The following ARFRP1 variants were observed in gnomAD, a reference collection of about 807,000 sequenced individuals.
The protein encoded by ARFRP1 is ARF related protein 1, also known as ADP-ribosylation factor-related protein 1.
ARFRP1 carries 19 observed loss-of-function variants against 30.3 expected under a neutral mutation model. The ratio of observed to expected loss-of-function variants is 0.63; its 90% confidence interval spans 0.44 to 0.92. ARFRP1 has a LOEUF of 0.92. ARFRP1 is among the 40% of genes least tolerant of loss of function. ARFRP1 has a pLI of 0.00. For missense variants in ARFRP1, 245 were observed against 267.5 expected, an observed-to-expected ratio of 0.92 and a Z score of 0.59; for synonymous variants, 133 against 114.2, an observed-to-expected ratio of 1.16 and a Z score of -1.05.
intron 1 of ARFRP1, 57 bp from the exon 2 acceptor site, chr20:63,707,154 C>G: frequency 6.7e-7 from 1 of 1,487,720 alleles, no homozygotes; most frequent in Non-Finnish European, 9.1e-7. Flanking sequence ...CTCCCCCGGG[C>G]TTCTCCACGG....
rs2091070503 is a variant in ARFRP1 at position 63,699,221 on chromosome 20, C to T, written c.*1222G>A. On this transcript the variant is annotated 3_prime_UTR_variant, in exon 8 of 8. Coordinates refer to ENST00000622789, the MANE Select transcript of ARFRP1 (RefSeq NM_001267547.3). ...AGGTCCTGGGAACCAACCTGCAGAA[C>T]ACACACAGGGTCCCCTGGAGAGGAC... The T allele has an allele frequency of 6.6e-6, 1 of 152,274 alleles. No homozygotes were observed. Among genetic ancestry groups the T allele is most frequent in the East Asian group, 1.9e-4 (1 of 5,256 alleles). The allele number at this position is 152,274 out of a possible 1,614,324, so 9.4% of individuals were successfully genotyped here. A position where few individuals can be genotyped will look rare whatever the true frequency, so the allele number is the denominator to read the frequency against.
chr20:63,700,061 C>T lies in ARFRP1; in HGVS notation c.*382G>A, dbSNP rs565336092. The T allele has an allele frequency of 6.4e-5, 19 of 295,356 alleles. No individual in the cohort carries two copies. The highest frequency in any genetic ancestry group is 6.0e-4 in the South Asian group (18 of 30,028). 18.3% of individuals were successfully genotyped at this position (295,356 alleles called of 1,614,324 possible). ...CTGACGGGCCTCCTCCTCGATGGGG[C>T]GGAGACAGCCACGGGGTCTCCCGAG... On this transcript the variant is annotated 3_prime_UTR_variant, in exon 8 of 8. Transcript: ENST00000622789.
chr20:63,700,543 C>T lies in ARFRP1; in HGVS notation c.519-13G>A, dbSNP rs766357157. ...GCGCACCCCTTTGCTGTGAAGACAGCGGGTGTGAGGCGGGGGGTCTCGGTC... is the reference window on the plus strand; with the variant it reads ...GCGCACCCCTTTGCTGTGAAGACAGTGGGTGTGAGGCGGGGGGTCTCGGTC... On this transcript the variant is annotated splice_polypyrimidine_tract_variant and intron_variant, in intron 7 of 7. Transcript: ENST00000622789. 2.7e-5 allele frequency: 44 copies of T among 1,610,616 alleles called. No homozygotes were observed. The highest frequency in any genetic ancestry group is 3.3e-5 in the Non-Finnish European group (39 of 1,179,854).
At chr20:63,703,993 G>A (rs73139716) in intron 4 of ARFRP1, 2 of 152,422 alleles carry the variant, frequency 1.3e-5, no homozygotes, top group Non-Finnish European at 2.9e-5. Flanking sequence ...CAGAGGGACT[G>A]TGGGTCTGAG....
chr20:63,705,722 G>A (rs781708339), intron 4 of ARFRP1: 9 of 533,056 alleles, frequency 1.7e-5, no homozygotes, highest in Admixed American at 1.6e-4. Context: ...CAAGGTCTCT[G>A]AGCCGAAAGG....
rs530276546 is a variant in ARFRP1, at chr20:63,700,441, G to A, written c.*2C>T. 46 of 1,608,084 alleles carry A rather than the reference G, an allele frequency of 2.9e-5. 1 individual carries two copies. Among genetic ancestry groups the A allele is most frequent in the South Asian group, 2.9e-4 (26 of 90,976 alleles). ...GCCGTCCCGACGGCAGCGCGGCTGC[G>A]CCTACGTGATGTCCCTCTGCCGCGG... On this transcript the variant is annotated 3_prime_UTR_variant, in exon 8 of 8. Coordinates refer to ENST00000622789, the MANE Select transcript of ARFRP1 (RefSeq NM_001267547.3).
rs1016477446 is a variant in ARFRP1 at position 63,698,762 on chromosome 20, G to A, written c.*1681C>T. 1 of 576,768 alleles carries A rather than the reference G, an allele frequency of 1.7e-6. No individual in the cohort carries two copies. The allele number at this position is 576,768 out of a possible 1,614,324, so 35.7% of individuals were successfully genotyped here. ...CCGCTGTGCCCAGATCCCTCAGGCTGCCTGCCATCAGAACTGCTGCCCGGG... is the reference window on the plus strand; with the variant it reads ...CCGCTGTGCCCAGATCCCTCAGGCTACCTGCCATCAGAACTGCTGCCCGGG... On this transcript the variant is annotated 3_prime_UTR_variant, in exon 8 of 8. Transcript: ENST00000622789.
At chr20:63,707,795 A>G (rs893434415) in intron 1 of ARFRP1, 72 bp downstream of exon 1, 10 of 152,248 alleles carry the variant, frequency 6.6e-5, no homozygotes, top group Non-Finnish European at 1.3e-4. Flanking sequence ...GGCTCCTGTC[A>G]CACCCGCGTC....
Position 63,700,607 on chromosome 20 carries a change from G to A in ARFRP1, c.513C>T (p.Leu171=). Residue 171 remains leucine (L), a synonymous_variant, in exon 7 of 8, where the codon CTC becomes CTT. Transcript: ENST00000622789. ...CAGGTGCAGCCCCCACTCACCCTGT[G>A]AGGGCCGAGCAGGCCTGGGTCAGGC... ...RDCLTQACSA[L]TGKGVREGIE... 1 of 1,610,622 alleles carries A rather than the reference G, an allele frequency of 6.2e-7. No individual in the cohort carries two copies. Among genetic ancestry groups the A allele is most frequent in the Non-Finnish European group, 8.5e-7 (1 of 1,179,818 alleles).
rs2145606084 is a variant in ARFRP1, at chr20:63,707,112, A to G, written c.-6-15T>C. The stretch of plus-strand genomic sequence containing the variant: ...TACATCCTGCCCTGGGCACCCCAAC[A>G]TAGGTCAGTGTGCAGCCAGAAAGCA... On this transcript the variant is annotated splice_polypyrimidine_tract_variant and intron_variant, in intron 1 of 7. Transcript: ENST00000622789. 2 of 1,588,858 alleles carry G rather than the reference A, an allele frequency of 1.3e-6. No individual in the cohort carries two copies. The highest frequency in any genetic ancestry group is 1.7e-6 in the Non-Finnish European group (2 of 1,167,798).
intron 6 of ARFRP1, chr20:63,701,226 G>A (rs1323723997): frequency 7.5e-6 from 4 of 530,772 alleles, no homozygotes; most frequent in Non-Finnish European, 1.2e-5. Context: ...TGTAGGGGAG[G>A]CCAGCCTTAC....
chr20:63,706,441 T>C lies in ARFRP1; in HGVS notation c.182-2A>G, dbSNP rs1453167123. On this transcript the variant is annotated splice_acceptor_variant, in intron 3 of 7. Transcript: ENST00000622789. LOFTEE classifies it high-confidence loss of function. The stretch of plus-strand genomic sequence containing the variant: ...CCTTTCCCACATCCACAGTGCCGAC[T>C]GGGGAGAGGAGGAAACAGGCAAGGC... 1.2e-6 allele frequency: 2 copies of C among 1,613,124 alleles called. No homozygotes were observed. Among genetic ancestry groups the C allele is most frequent in the Non-Finnish European group, 1.7e-6 (2 of 1,179,926 alleles).
rs963386848 is a variant in ARFRP1 at position 63,707,939 on chromosome 20, C to G, written c.-79G>C. Reference sequence around the variant, plus strand: ...CTCCGCTGACCCCGCGCTAACCCCGCGCGGCGCCTGACGGGACGCGGGCCG... The same window carrying G: ...CTCCGCTGACCCCGCGCTAACCCCGGGCGGCGCCTGACGGGACGCGGGCCG... On this transcript the variant is annotated 5_prime_UTR_variant, in exon 1 of 8. Transcript: ENST00000622789. The G allele has an allele frequency of 1.3e-5, 2 of 152,320 alleles. No homozygotes were observed. Among genetic ancestry groups the G allele is most frequent in the Non-Finnish European group, 2.9e-5 (2 of 68,146 alleles). 9.4% of individuals were successfully genotyped at this position (152,320 alleles called of 1,614,324 possible). A position where few individuals can be genotyped will look rare whatever the true frequency, so the allele number is the denominator to read the frequency against.
intron 1 of ARFRP1, chr20:63,707,325 CAT>C: frequency 1.9e-6 from 1 of 528,910 alleles, no homozygotes. Context: ...TCCGCATACA[CAT>C]CGGTTCCGGC....
At chr20:63,705,842 G>T in intron 4 of ARFRP1, 1 of 484,860 alleles carries the variant, frequency 2.1e-6, no homozygotes, top group Non-Finnish European at 4.3e-6. Flanking sequence ...CAGCGAGGTT[G>T]CCCTTAGGCT....
intron 6 of ARFRP1, chr20:63,701,207 G>A (rs532168096): frequency 1.5e-4 from 78 of 529,056 alleles, no homozygotes; most frequent in African/African-American, 1.2e-3. Flanking sequence ...CCCTCTTGTC[G>A]GCTGAGATTG....
rs1400737840 is a variant in ARFRP1, at chr20:63,700,067, C to G, written c.*376G>C. The G allele has an allele frequency of 2.3e-5, 7 of 299,342 alleles. No individual in the cohort carries two copies. The Admixed American group carries it at 3.3e-4, about 14-fold the overall frequency. 18.5% of individuals were successfully genotyped at this position (299,342 alleles called of 1,614,324 possible). On this transcript the variant is annotated 3_prime_UTR_variant, in exon 8 of 8. Transcript: ENST00000622789. ...GGCCTCCTCCTCGATGGGGCGGAGA[C>G]AGCCACGGGGTCTCCCGAGGGTCCC...
Position 63,707,353 on chromosome 20 carries a change from G to C in ARFRP1, c.-6-256C>G, listed in dbSNP as rs561842508. ...CGGTTCCGGCCCCTCCCCTGCTCGC[G>C]GGACTACCCAGCCGGGTGTTCACAG... On this transcript the variant is annotated intron_variant, in intron 1 of 7. Transcript: ENST00000622789. 159 of 440,448 alleles carry C rather than the reference G, an allele frequency of 3.6e-4. No individual in the cohort carries two copies. The East Asian group carries it at 6.0e-3, about 17-fold the overall frequency. The allele number at this position is 440,448 out of a possible 1,614,324, so 27.3% of individuals were successfully genotyped here. A position where few individuals can be genotyped will look rare whatever the true frequency, so the allele number is the denominator to read the frequency against.
In ARFRP1 at chr20:63,701,911, C is replaced by T. The variant is rs1228693842; in HGVS notation, c.347-11G>A. The T allele has an allele frequency of 1.9e-6, 3 of 1,547,182 alleles. No homozygotes were observed. Among genetic ancestry groups the T allele is most frequent in the East Asian group, 2.4e-5 (1 of 40,906 alleles). On this transcript the variant is annotated splice_polypyrimidine_tract_variant and intron_variant, in intron 5 of 7. Transcript: ENST00000622789. Reference sequence around the variant, plus strand: ...TGGTCACCACCTTCTCTGGGGAGGGCAGGAGAGGCAGCGCCTCACACCCAG... The same window carrying T: ...TGGTCACCACCTTCTCTGGGGAGGGTAGGAGAGGCAGCGCCTCACACCCAG...
Sources: gnomAD v4.1 joint callset for allele counts on GRCh38, gnomAD v4.1.1 for gene constraint, MANE v1.5 for transcripts, NCBI Gene and HGNC (gene_info 2026-07-23, HGNC 2026-07-21) for gene names.